Variants in HS6ST2 observed in about 807,000 individuals in gnomAD.
HS6ST2 encodes heparan sulfate 6-O-sulfotransferase 2.
In HS6ST2, 17 loss-of-function variants were observed where a neutral mutation model predicts 33.0. The ratio of observed to expected loss-of-function variants is 0.52; its 90% CI spans 0.35 to 0.77. HS6ST2 has a LOEUF of 0.77. Ranked by LOEUF, HS6ST2 falls within the 30% of genes least tolerant of loss-of-function variation. HS6ST2 has a pLI of 0.01. For synonymous variants in HS6ST2, 248 were observed against 237.1 expected, an observed-to-expected ratio of 1.05 and a Z score of -0.42; for missense variants, 519 against 551.7, an observed-to-expected ratio of 0.94 and a Z score of 0.59.
At chrX:132,932,955 CTA>C (rs2066790323) in intron 2 of HS6ST2, among the ~76,000 whole-genome samples, 1 of 104,877 alleles carries the variant, frequency 9.5e-6, no homozygotes, top group Admixed American at 1.1e-4. Context: ...AATATAATGT[CTA>C]TGTTATATAA....
chrX:132,812,611 T>C (rs2065360391), intron 2 of HS6ST2, among the ~76,000 whole-genome samples: 1 of 107,236 alleles, frequency 9.3e-6, no homozygotes, highest in African/African-American at 3.4e-5. Context: ...TTCAAGCCCT[T>C]CTCCCACATT....
intron 4 of HS6ST2, among the ~76,000 whole-genome samples, chrX:132,652,996 G>T (rs903429694): frequency 1.8e-5 from 2 of 111,198 alleles, no homozygotes; most frequent in Non-Finnish European, 3.8e-5. Context: ...GAAAAATGTT[G>T]CAACAGTATT....
chrX:132,775,781 T>C (rs983536943), intron 2 of HS6ST2, among the ~76,000 whole-genome samples: 5 of 111,768 alleles, frequency 4.5e-5, no homozygotes, highest in Admixed American at 1.9e-4. Flanking sequence ...TTCAGATTAG[T>C]TGTGCTAGAG....
At chrX:132,879,166 A>G (rs2066139291) in intron 2 of HS6ST2, among the ~76,000 whole-genome samples, 1 of 111,650 alleles carries the variant, frequency 9.0e-6, no homozygotes, top group South Asian at 3.8e-4. Flanking sequence ...CTTCTCCCTA[A>G]GCAGGAGAAT....
intron 4 of HS6ST2, among the ~76,000 whole-genome samples, chrX:132,656,285 A>G (rs1332063415): frequency 9.1e-6 from 1 of 110,338 alleles, no homozygotes; most frequent in Non-Finnish European, 1.9e-5. Flanking sequence ...GGACTGTGAG[A>G]TTGTCCAATA....
chrX:132,707,447 C>G (rs1171780692), intron 3 of HS6ST2, among the ~76,000 whole-genome samples: 2 of 112,448 alleles, frequency 1.8e-5, no homozygotes, highest in East Asian at 2.8e-4. Context: ...CATTGAGGCT[C>G]TAATGGGAGT....
chrX:132,758,196 TA>T (rs2064775181), intron 2 of HS6ST2: 1 of 112,441 alleles, frequency 8.9e-6, no homozygotes, highest in Non-Finnish European at 1.9e-5. Context: ...GGCCAATAAT[TA>T]AAAACTTTCT....
chrX:132,887,235 A>G (rs1246514441), intron 2 of HS6ST2, among the ~76,000 whole-genome samples: 1 of 112,092 alleles, frequency 8.9e-6, no homozygotes, highest in East Asian at 2.8e-4. Context: ...ATTCCCAGAT[A>G]AACAAAGTCT....
intron 2 of HS6ST2, among the ~76,000 whole-genome samples, chrX:132,915,356 C>T (rs1489520733): frequency 8.9e-6 from 1 of 112,527 alleles, no homozygotes; most frequent in East Asian, 2.8e-4. Flanking sequence ...TGAAGGTGAG[C>T]TGCTTTCAGC....
At chrX:132,731,671 C>T (rs568390096) in intron 2 of HS6ST2, among the ~76,000 whole-genome samples, 1 of 110,902 alleles carries the variant, frequency 9.0e-6, no homozygotes, top group South Asian at 3.9e-4. Context: ...CACGGTGAAA[C>T]CCCGTCTCTA....
In HS6ST2 at chrX:132,628,993, C is replaced by T; in HGVS notation, c.1168G>A (p.Val390Ile). 1 of 1,208,577 alleles carries T rather than the reference C, an allele frequency of 8.3e-7. No homozygotes were observed. The highest frequency in any genetic ancestry group is 1.8e-5 in the South Asian group (1 of 56,359). ...RGATWKASLH[V>I]CDGRPPTSEE... ...GAGGTTGGAGGCCTTCCATCGCAGA[C>T]ATGCAGGGATGCTTTCCATGTTGCC... The change falls in exon 5 of 5, where the codon GTC (valine) becomes ATC (isoleucine). Residue 390 changes from valine (V) to isoleucine (I), a missense_variant. By Grantham distance (29) the Val-to-Ile change is conservative (BLOSUM62 3). Coordinates refer to ENST00000370833, the MANE Select transcript of HS6ST2 (RefSeq NM_001394073.1).
rs2064087894 is a variant in HS6ST2 at position 132,694,366 on chromosome X, A to G, written c.980+14096T>C. 2.7e-5 allele frequency among the ~76,000 whole-genome samples: 3 copies of G among 111,947 alleles called. No individual in the cohort carries two copies. In the Admixed American group the frequency reaches 2.9e-4, roughly 11 times the overall value. On this transcript the variant is annotated intron_variant, in intron 3 of 4. Coordinates refer to ENST00000370833, the MANE Select transcript of HS6ST2 (RefSeq NM_001394073.1). ...AACATAAGGACCCAGCCCTGCAGAT[A>G]TCTAGGGGAAGAGCATTCCAGGTAG...
Position 132,957,317 on chromosome X carries a change from G to A in HS6ST2, c.438C>T (p.Asn146=). 8.6e-7 allele frequency: 1 copy of A among 1,159,036 alleles called. No individual in the cohort carries two copies. Among genetic ancestry groups the A allele is most frequent in the Non-Finnish European group, 1.2e-6 (1 of 868,439 alleles). Residue 146 remains asparagine (N), a synonymous_variant, in exon 2 of 5, where the codon AAC becomes AAT. Coordinates refer to ENST00000370833, the MANE Select transcript of HS6ST2 (RefSeq NM_001394073.1). ...KIFGPMASVG[N]MDEKSNKLLL... Reference sequence around the variant, plus strand: ...GCAGCTTGTTGGATTTCTCATCCATGTTCCCGACGCTGGGGGAAACCCAAG... The same window carrying A: ...GCAGCTTGTTGGATTTCTCATCCATATTCCCGACGCTGGGGGAAACCCAAG...
At chrX:132,939,762 C>T (rs370594578) in intron 2 of HS6ST2, among the ~76,000 whole-genome samples, 20 of 111,747 alleles carry the variant, frequency 1.8e-4, no homozygotes, top group African/African-American at 5.8e-4. Context: ...AACTTACAAT[C>T]TAAAGGCTTC....
At chrX:132,845,639 G>A (rs1210530730) in intron 2 of HS6ST2, among the ~76,000 whole-genome samples, 1 of 111,227 alleles carries the variant, frequency 9.0e-6, no homozygotes, top group Non-Finnish European at 1.9e-5. Flanking sequence ...TAGGTTGAGA[G>A]GCTATTAGTT....
chrX:132,823,853 A>AAATAATAATAATAATAATAAT lies in HS6ST2; in HGVS notation c.948-115380_948-115360dup, dbSNP rs34008866. Among the ~76,000 whole-genome samples, 114 of 92,512 alleles carry AAATAATAATAATAATAATAAT rather than the reference A, an allele frequency of 1.2e-3. 1 individual carries two copies. Among genetic ancestry groups the AAATAATAATAATAATAATAAT allele is most frequent in the Middle Eastern group, 5.3e-3 (1 of 189 alleles). 80.3% of individuals were successfully genotyped at this position (92,512 alleles called of 115,157 possible). On this transcript the variant is annotated intron_variant, in intron 2 of 4. Coordinates refer to ENST00000370833, the MANE Select transcript of HS6ST2 (RefSeq NM_001394073.1). Reference sequence around the variant, plus strand: ...CTGGGCAAGAGTGAGACTTCATAAAAAATAATAATAATAATAATAATAATA... The same window carrying AAATAATAATAATAATAATAAT: ...CTGGGCAAGAGTGAGACTTCATAAAAAATAATAATAATAATAATAATAATAATAATAATAATAATAATAATA...
At chrX:132,867,385 T>C (rs2066000120) in intron 2 of HS6ST2, among the ~76,000 whole-genome samples, 1 of 110,016 alleles carries the variant, frequency 9.1e-6, no homozygotes, top group Admixed American at 9.7e-5. Context: ...GGTTTGCCAG[T>C]ATTTTATTGA....
chrX:132,770,488 A>T (rs961931729), intron 2 of HS6ST2, among the ~76,000 whole-genome samples: 1 of 111,640 alleles, frequency 9.0e-6, no homozygotes, highest in Non-Finnish European at 1.9e-5. Flanking sequence ...CATCCAGTTC[A>T]CTCTTAGCCC....
intron 4 of HS6ST2, among the ~76,000 whole-genome samples, chrX:132,665,324 C>T (rs2063801400): frequency 3.6e-5 from 4 of 111,556 alleles, no homozygotes; most frequent in Non-Finnish European, 7.5e-5. Context: ...CTGTAGCATA[C>T]ATTGCAGTGG....
Sources: gnomAD v4.1 joint callset for allele counts (sites outside exome capture counted in the v4.1 genomes callset) on GRCh38, gnomAD v4.1.1 for gene constraint, MANE v1.5 for transcripts, NCBI Gene and HGNC (gene_info 2026-07-23, HGNC 2026-07-21) for gene names.